The following POLR2D variants were observed in gnomAD, a reference collection of about 807,000 sequenced individuals.
POLR2D encodes RNA polymerase II subunit D.
Under a neutral mutation model 17.6 loss-of-function variants are expected in POLR2D, and 10 were observed. The observed-to-expected ratio is 0.57, with a 90% CI of 0.35 to 0.96. The LOEUF (loss-of-function observed/expected upper bound fraction) is 0.96, where lower values mean the gene tolerates loss of function less well. Among genes scored for constraint, POLR2D ranks in the 40% least tolerant of loss-of-function variants. POLR2D has a pLI of 0.02. For missense variants in POLR2D, 126 were observed against 176.4 expected (o/e 0.71, Z 1.62); for synonymous variants, 52 against 60.2 (o/e 0.86, Z 0.63).
At chr2:127,857,995 G>A in intron 1 of POLR2D, 33 bp downstream of exon 1, 1 of 1,573,424 alleles carries the variant, frequency 6.4e-7, no homozygotes, top group Non-Finnish European at 8.6e-7. Context: ...CACGCGAAGT[G>A]GCGCGGGGGA....
chr2:127,851,255 A>T (rs1690248160), intron 2 of POLR2D, among the ~76,000 whole-genome samples: 1 of 151,976 alleles, frequency 6.6e-6, no homozygotes, highest in Non-Finnish European at 1.5e-5. Context: ...CCAAAAAAAC[A>T]AAAAACTAAA....
At chr2:127,857,895 C>T (rs1451958382) in intron 1 of POLR2D, 133 bp downstream of exon 1, 3 of 1,386,006 alleles carry the variant, frequency 2.2e-6, no homozygotes, top group Non-Finnish European at 2.8e-6. Context: ...CATGTTCCCT[C>T]CCCAGCCCCA....
At chr2:127,855,394 C>CAAAAAAAAAA (rs747725989) in intron 1 of POLR2D, among the ~76,000 whole-genome samples, 1 of 51,258 alleles carries the variant, frequency 2.0e-5, no homozygotes, top group African/African-American at 6.4e-5. Flanking sequence ...AACTCCGTCT[C>CAAAAAAAAAA]AAAAAAAAAA....
intron 1 of POLR2D, among the ~76,000 whole-genome samples, chr2:127,856,309 A>AAAAAAAAAAAAAAAAAAAAAT (rs1690328255): frequency 2.0e-5 from 3 of 147,164 alleles, no homozygotes; most frequent in Admixed American, 6.9e-5. Flanking sequence ...AAAAAAAAAA[A>AAAAAAAAAAAAAAAAAAAAAT]GGCAGGGTGA....
rs1690173490 is a variant in POLR2D, at chr2:127,847,311, A to G, written c.*796T>C. On this transcript the variant is annotated 3_prime_UTR_variant, in exon 4 of 4. Coordinates refer to ENST00000272645, the MANE Select transcript of POLR2D (RefSeq NM_004805.4). ...GCTTCTTCCGTCTCCCAGGTTAGGC[A>G]CAACGATGCCAAGGTGCTGTCATCG... The G allele has an allele frequency of 6.6e-6, 1 of 152,240 alleles. No individual in the cohort carries two copies. The highest frequency in any genetic ancestry group is 1.5e-5 in the Non-Finnish European group (1 of 68,100). 9.4% of individuals were successfully genotyped at this position (152,240 alleles called of 1,614,324 possible).
intron 1 of POLR2D, among the ~76,000 whole-genome samples, chr2:127,855,380 G>A (rs1027278096): frequency 8.3e-6 from 1 of 120,596 alleles, no homozygotes; most frequent in Non-Finnish European, 1.6e-5. Flanking sequence ...GGCAACAACA[G>A]TGAAACTCCG....
intron 1 of POLR2D, among the ~76,000 whole-genome samples, chr2:127,853,585 A>G (rs1356380623): frequency 6.6e-6 from 1 of 151,926 alleles, no homozygotes; most frequent in African/African-American, 2.4e-5. Flanking sequence ...CAGAGTCTCA[A>G]TCTGTCACCC....
chr2:127,857,529 C>T (rs1013669181), intron 1 of POLR2D, among the ~76,000 whole-genome samples: 5 of 152,170 alleles, frequency 3.3e-5, no homozygotes, highest in Admixed American at 2.6e-4. Flanking sequence ...GGCCTAACTT[C>T]GACAGGTGCG....
rs953828389 is a variant in POLR2D, at chr2:127,847,057, G to C, written c.*1050C>G. The C allele has an allele frequency of 4.6e-5, 7 of 152,606 alleles. No individual in the cohort carries two copies. The highest frequency in any genetic ancestry group is 3.3e-4 in the Admixed American group (5 of 15,270). The allele number at this position is 152,606 out of a possible 1,614,324, so 9.5% of individuals were successfully genotyped here. A position where few individuals can be genotyped will look rare whatever the true frequency, so the allele number is the denominator to read the frequency against. Reference sequence around the variant, plus strand: ...TGCACACCTGGTTGTGGACCTCTTTGGCACGACCATTGCTTCTTCTTTGTT... The same window carrying C: ...TGCACACCTGGTTGTGGACCTCTTTCGCACGACCATTGCTTCTTCTTTGTT... On this transcript the variant is annotated 3_prime_UTR_variant, in exon 4 of 4. Transcript: ENST00000272645.
chr2:127,848,419 CT>C (rs1209193162), intron 3 of POLR2D, among the ~76,000 whole-genome samples: 1 of 147,032 alleles, frequency 6.8e-6, no homozygotes, highest in Admixed American at 6.8e-5. Flanking sequence ...TTTTTTTTTT[CT>C]TTTTTTTGAG....
intron 1 of POLR2D, 141 bp downstream of exon 1, chr2:127,857,887 T>C (rs1011639554): frequency 1.1e-4 from 154 of 1,364,858 alleles, no homozygotes; most frequent in Non-Finnish European, 1.3e-4. Flanking sequence ...CCCAAGGCCA[T>C]GTTCCCTCCC....
chr2:127,855,689 G>A (rs1233455647), intron 1 of POLR2D, among the ~76,000 whole-genome samples: 1 of 152,188 alleles, frequency 6.6e-6, no homozygotes, highest in African/African-American at 2.4e-5. Flanking sequence ...AATGGGGATG[G>A]GGGAGGCAGT....
intron 1 of POLR2D, 79 bp from the exon 2 acceptor site, chr2:127,853,184 C>T: frequency 1.8e-6 from 2 of 1,121,032 alleles, no homozygotes. Context: ...TGCATTTGAA[C>T]ATTTCTCTGC....
At position 127,847,837 on chromosome 2, in the gene POLR2D, G is replaced by A; in HGVS notation, c.*270C>T. 2.1e-6 allele frequency: 1 copy of A among 475,922 alleles called. No homozygotes were observed. 29.5% of individuals were successfully genotyped at this position (475,922 alleles called of 1,614,324 possible). On this transcript the variant is annotated 3_prime_UTR_variant, in exon 4 of 4. Transcript: ENST00000272645. Reference sequence around the variant, plus strand: ...CCAGGAATGAGGTAGTCAACAGTGTGGTTATGTGACCCCTCATCTCACACT... The same window carrying A: ...CCAGGAATGAGGTAGTCAACAGTGTAGTTATGTGACCCCTCATCTCACACT...
intron 2 of POLR2D, among the ~76,000 whole-genome samples, chr2:127,851,042 G>A (rs1001742231): frequency 6.6e-6 from 1 of 151,992 alleles, no homozygotes; most frequent in East Asian, 1.9e-4. Flanking sequence ...CCAACGTGGT[G>A]AAACCCCGTC....
intron 2 of POLR2D, 110 bp from the exon 3 acceptor site, chr2:127,850,795 A>T (rs1573518597): frequency 1.5e-5 from 9 of 619,502 alleles, no homozygotes; most frequent in South Asian, 1.2e-4. Flanking sequence ...GTATTTAAAA[A>T]TAGCTAGACG....
intron 2 of POLR2D, 60 bp from the exon 3 acceptor site, chr2:127,850,745 A>G: frequency 1.2e-6 from 1 of 853,376 alleles, no homozygotes; most frequent in Admixed American, 2.2e-5. Context: ...AACAAAAATC[A>G]AAGAGTAATC....
In POLR2D at chr2:127,858,105, G is replaced by A. The variant is rs554950531; in HGVS notation, c.-5C>T. The A allele has an allele frequency of 4.7e-6, 7 of 1,477,860 alleles. No individual in the cohort carries two copies. The East Asian group carries it at 8.7e-5, about 18-fold the overall frequency. 91.5% of individuals were successfully genotyped at this position (1,477,860 alleles called of 1,614,324 possible). On this transcript the variant is annotated 5_prime_UTR_variant, in exon 1 of 4. Transcript: ENST00000272645. Reference sequence around the variant, plus strand: ...ATCGCTGCCACCCGCCGCCATCGCCGCGCCGCGCCGCGCGCCACCACCAGC... The same window carrying A: ...ATCGCTGCCACCCGCCGCCATCGCCACGCCGCGCCGCGCGCCACCACCAGC...
intron 3 of POLR2D, among the ~76,000 whole-genome samples, chr2:127,849,189 C>T (rs768912941): frequency 5.3e-5 from 8 of 151,984 alleles, no homozygotes; most frequent in Non-Finnish European, 1.2e-4. Context: ...GGACTACAGT[C>T]GCACACCACC....
Sources: allele counts gnomAD v4.1 joint callset (sites outside exome capture counted in the v4.1 genomes callset), GRCh38; gene constraint gnomAD v4.1.1; transcripts MANE v1.5; gene names NCBI Gene and HGNC (gene_info 2026-07-23, HGNC 2026-07-21).